Variants in LRRC3B observed in about 807,000 individuals in gnomAD.
LRRC3B encodes the protein leucine rich repeat containing 3B.
In LRRC3B, 2 loss-of-function variants were observed where a neutral mutation model predicts 12.8. The observed-to-expected ratio is 0.16, with a 90% confidence interval of 0.06 to 0.49. LRRC3B has a LOEUF of 0.49. LRRC3B is among the 20% of genes least tolerant of loss of function. The pLI is 0.96. For synonymous variants in LRRC3B, 132 were observed against 122.0 expected, an observed-to-expected ratio of 1.08 and a Z score of -0.54; for missense variants, 189 against 319.4, an observed-to-expected ratio of 0.59 and a Z score of 3.11.
At chr3:26,702,747 C>T (rs890922033) in intron 1 of LRRC3B, among the ~76,000 whole-genome samples, 7 of 151,986 alleles carry the variant, frequency 4.6e-5, no homozygotes, top group African/African-American at 7.3e-5. Flanking sequence ...AGGAAGGAGG[C>T]TTTTGCTCTT....
chr3:26,644,543 G>T (rs1184371954), intron 1 of LRRC3B, among the ~76,000 whole-genome samples: 7 of 152,182 alleles, frequency 4.6e-5, no homozygotes, highest in African/African-American at 7.2e-5. Context: ...GAAAATGTCA[G>T]TGTCATAAAG....
At chr3:26,708,300 C>T (rs1361647911) in intron 1 of LRRC3B, among the ~76,000 whole-genome samples, 1 of 152,176 alleles carries the variant, frequency 6.6e-6, no homozygotes, top group African/African-American at 2.4e-5. Context: ...ATGGGGTCCT[C>T]AACTTGGAAC....
chr3:26,710,389 G>A, exon 2 of LRRC3B: 2 of 1,613,982 alleles, frequency 1.2e-6, no homozygotes, highest in South Asian at 2.2e-5. Context: ...TCGAATACTT[G>A]AAATCCCTGC....
At chr3:26,691,105 G>GTATGTATATA (rs1553605091) in intron 1 of LRRC3B, among the ~76,000 whole-genome samples, 1 of 84,850 alleles carries the variant, frequency 1.2e-5, no homozygotes, top group African/African-American at 4.6e-5. Flanking sequence ...GTGTGTGTGT[G>GTATGTATATA]TATATATATA....
At chr3:26,671,270 C>T (rs1430129602) in intron 1 of LRRC3B, among the ~76,000 whole-genome samples, 1 of 145,686 alleles carries the variant, frequency 6.9e-6, no homozygotes, top group Non-Finnish European at 1.5e-5. Context: ...CCGCCTCGGC[C>T]TCCCAAAGTG....
rs374745192 is a variant in LRRC3B, at chr3:26,690,037, G to GCTGTGACT, written c.-160-19472_-160-19465dup. 2.8e-3 allele frequency among the ~76,000 whole-genome samples: 423 copies of GCTGTGACT among 152,282 alleles called. 2 individuals carry two copies. The highest frequency in any genetic ancestry group is 8.4e-3 in the African/African-American group (348 of 41,560). The stretch of plus-strand genomic sequence containing the variant: ...CCCCACCACCTTCTTCCTCTTACAT[G>GCTGTGACT]CTGTGACTCTGCACAAAGCAAAAGC... On this transcript the variant is annotated intron_variant, in intron 1 of 1. Coordinates refer to ENST00000396641, the Ensembl canonical transcript of LRRC3B.
rs1324838337 is a variant in LRRC3B at position 26,685,507 on chromosome 3, CTCTCTCTCTCTCTCTCTATA to C, written c.-160-24004_-160-23985del. Among the ~76,000 whole-genome samples, 7 of 50,026 alleles carry C rather than the reference CTCTCTCTCTCTCTCTCTATA, an allele frequency of 1.4e-4. No homozygotes were observed. The South Asian group carries it at 4.4e-3, about 31-fold the overall frequency. 32.8% of individuals were successfully genotyped at this position (50,026 alleles called of 152,430 possible). On this transcript the variant is annotated intron_variant, in intron 1 of 1. Transcript: ENST00000396641. ...TCTCCCTCTCTCTCTCTCTCTCTCT[CTCTCTCTCTCTCTCTCTATA>C]TATATATATATATATATATATATAT...
chr3:26,636,986 T>C (rs190620278), intron 1 of LRRC3B, among the ~76,000 whole-genome samples: 7,473 of 121,510 alleles, frequency 0.062, 554 homozygotes, highest in East Asian at 0.27. Flanking sequence ...CTCTCTCTCT[T>C]TCTCTCTTTC....
chr3:26,680,818 G>A (rs186233606), intron 1 of LRRC3B, among the ~76,000 whole-genome samples: 43 of 152,312 alleles, frequency 2.8e-4, no homozygotes, highest in African/African-American at 1.0e-3. Flanking sequence ...CCAGACAGGG[G>A]ATTTATTTTG....
At chr3:26,701,540 G>A (rs78926385) in intron 1 of LRRC3B, among the ~76,000 whole-genome samples, 2 of 152,140 alleles carry the variant, frequency 1.3e-5, no homozygotes, top group African/African-American at 4.8e-5. Context: ...CAAGATGCTC[G>A]CTCCTTGAAA....
rs148943426 is a variant in LRRC3B at position 26,642,559 on chromosome 3, G to A, written c.-161+19322G>A. Among the ~76,000 whole-genome samples, 433 of 152,268 alleles carry A rather than the reference G, an allele frequency of 2.8e-3. 3 individuals are homozygous for A. Among genetic ancestry groups the A allele is most frequent in the Non-Finnish European group, 3.5e-3 (238 of 68,016 alleles). ...AATGACTTGGCCAAATGAATAGCTG[G>A]ATGTCAGCAAGCTGCTGGTACAGGT... is the stretch of plus-strand genomic sequence containing the variant. On this transcript the variant is annotated intron_variant, in intron 1 of 1. Coordinates refer to ENST00000396641, the Ensembl canonical transcript of LRRC3B.
intron 1 of LRRC3B, among the ~76,000 whole-genome samples, chr3:26,646,609 A>C (rs1275954777): frequency 4.0e-4 from 25 of 62,056 alleles, no homozygotes; most frequent in African/African-American, 8.5e-4. Context: ...AAAAAAAAAA[A>C]AAAAAAAAAA....
chr3:26,686,371 G>A (rs1179958746), intron 1 of LRRC3B, among the ~76,000 whole-genome samples: 9 of 152,126 alleles, frequency 5.9e-5, no homozygotes, highest in African/African-American at 2.2e-4. Context: ...GAGCCACCGC[G>A]CCCGGCCGGT....
rs571329033 is a variant in LRRC3B, at chr3:26,656,507, G to C, written c.-161+33270G>C. 1.9e-3 allele frequency among the ~76,000 whole-genome samples: 285 copies of C among 152,278 alleles called. 3 individuals carry two copies. In the South Asian group the frequency reaches 0.026, roughly 14 times the overall value. Reference sequence around the variant, plus strand: ...CAACAAAGAGGAGCACGCATAGGATGATTTTATGGACCAAGCTTCAGAAAA... The same window carrying C: ...CAACAAAGAGGAGCACGCATAGGATCATTTTATGGACCAAGCTTCAGAAAA... On this transcript the variant is annotated intron_variant, in intron 1 of 1. Transcript: ENST00000396641.
At chr3:26,653,580 A>G (rs1575130191) in intron 1 of LRRC3B, among the ~76,000 whole-genome samples, 1 of 53,332 alleles carries the variant, frequency 1.9e-5, no homozygotes. Context: ...GAACTCACAG[A>G]AAAAAAAAAA....
At chr3:26,706,667 G>T (rs1407775508) in intron 1 of LRRC3B, among the ~76,000 whole-genome samples, 4 of 152,130 alleles carry the variant, frequency 2.6e-5, no homozygotes, top group Non-Finnish European at 5.9e-5. Flanking sequence ...TCTTATATGT[G>T]ACCATGACCA....
chr3:26,665,144 G>T (rs1699572804), intron 1 of LRRC3B, among the ~76,000 whole-genome samples: 1 of 151,888 alleles, frequency 6.6e-6, no homozygotes, highest in Non-Finnish European at 1.5e-5. Context: ...AAATCTAAGG[G>T]AATGTGGGCA....
chr3:26,635,833 A>G (rs1575113762), intron 1 of LRRC3B, among the ~76,000 whole-genome samples: 1 of 152,256 alleles, frequency 6.6e-6, no homozygotes, highest in East Asian at 1.9e-4. Context: ...TAATGAATCA[A>G]TGAACACTAA....
intron 1 of LRRC3B, among the ~76,000 whole-genome samples, chr3:26,659,832 C>T (rs541178444): frequency 2.0e-5 from 3 of 152,340 alleles, no homozygotes; most frequent in African/African-American, 7.2e-5. Context: ...AGAGTCTTCT[C>T]TGAAGTGTTA....
Sources: allele counts gnomAD v4.1 joint callset (sites outside exome capture counted in the v4.1 genomes callset), GRCh38; gene constraint gnomAD v4.1.1; transcripts MANE v1.5; gene names NCBI Gene and HGNC (gene_info 2026-07-23, HGNC 2026-07-21).